CAMK1D: variants seen among roughly 807,000 people sequenced by gnomAD.
The protein encoded by CAMK1D is calcium/calmodulin-dependent protein kinase type 1D.
Under a neutral mutation model 47.7 loss-of-function variants are expected in CAMK1D, and 9 were observed. The observed-to-expected ratio is 0.19, with a 90% CI of 0.11 to 0.33. CAMK1D has a LOEUF of 0.33. CAMK1D is among the 10% of genes least tolerant of loss of function. CAMK1D has a pLI of 1.00. For missense variants in CAMK1D, 291 were observed against 488.7 expected, an observed-to-expected ratio of 0.60 and a Z score of 3.81; for synonymous variants, 184 against 184.9, an observed-to-expected ratio of 0.99 and a Z score of 0.04.
chr10:12,609,586 C>A (rs113953218), intron 2 of CAMK1D, among the ~76,000 whole-genome samples: 4 of 152,110 alleles, frequency 2.6e-5, no homozygotes, highest in African/African-American at 7.2e-5. Flanking sequence ...CCCTCGCATG[C>A]GCAGTTCACA....
chr10:12,595,051 T>C (rs1838102455), intron 2 of CAMK1D, among the ~76,000 whole-genome samples: 1 of 152,046 alleles, frequency 6.6e-6, no homozygotes, highest in African/African-American at 2.4e-5. Context: ...TTCAAGGTGA[T>C]CTGGGGGAGA....
intron 10 of CAMK1D, among the ~76,000 whole-genome samples, chr10:12,828,204 G>A (rs1833324921): frequency 6.6e-6 from 1 of 152,152 alleles, no homozygotes; most frequent in African/African-American, 2.4e-5. Flanking sequence ...GTACCACAGT[G>A]GTGAAACCAT....
At chr10:12,786,630 C>T (rs980928775) in intron 5 of CAMK1D, among the ~76,000 whole-genome samples, 2 of 152,220 alleles carry the variant, frequency 1.3e-5, no homozygotes, top group Non-Finnish European at 2.9e-5. Context: ...GCAGTCATAG[C>T]TCACTGCAGC....
intron 6 of CAMK1D, among the ~76,000 whole-genome samples, chr10:12,797,243 G>A (rs1046132024): frequency 6.9e-6 from 1 of 145,928 alleles, no homozygotes; most frequent in Non-Finnish European, 1.5e-5. Flanking sequence ...TTGTCACCCA[G>A]GCTGGAGTGC....
intron 1 of CAMK1D, among the ~76,000 whole-genome samples, chr10:12,453,171 A>G (rs1833138198): frequency 6.8e-6 from 1 of 148,068 alleles, no homozygotes; most frequent in South Asian, 2.1e-4. Context: ...CATGGGTCAG[A>G]CTTTTCTTCT....
rs1834093931 is a variant in CAMK1D, at chr10:12,482,497, A to G, written c.93-70728A>G. 2.6e-5 allele frequency among the ~76,000 whole-genome samples: 4 copies of G among 152,134 alleles called. No homozygotes were observed. In the South Asian group the frequency reaches 8.3e-4, roughly 31 times the overall value. ...CCAGGAAAGAAAGTTGGAATAATAG[A>G]ATTTTTTTTTCTCTCGAAGCAGTGA... On this transcript the variant is annotated intron_variant, in intron 1 of 10. Transcript: ENST00000619168.
chr10:12,791,223 G>T lies in CAMK1D; in HGVS notation c.631G>T (p.Ala211Ser). 6.2e-7 allele frequency: 1 copy of T among 1,614,126 alleles called. No homozygotes were observed. Among genetic ancestry groups the T allele is most frequent in the Non-Finnish European group, 8.5e-7 (1 of 1,179,966 alleles). ...AVDCWSIGVI[A>S]YILLCGYPPF... is the part of the protein sequence containing the mutation. ...TGACTGCTGGTCCATCGGAGTGATTGCCTACATCTTGTAAGTACTGCCTGC... is the reference window on the plus strand; with the variant it reads ...TGACTGCTGGTCCATCGGAGTGATTTCCTACATCTTGTAAGTACTGCCTGC... Residue 211 changes from alanine (A) to serine (S), a missense_variant, in exon 6 of 11, where the codon GCC becomes TCC. Coordinates refer to ENST00000619168, the MANE Select transcript of CAMK1D (RefSeq NM_153498.4).
At chr10:12,406,437 G>A (rs749615716) in intron 1 of CAMK1D, among the ~76,000 whole-genome samples, 1 of 152,066 alleles carries the variant, frequency 6.6e-6, no homozygotes, top group African/African-American at 2.4e-5. Flanking sequence ...TTGGCCAGAT[G>A]TGGTGGCTCA....
At chr10:12,429,068 G>T (rs938368404) in intron 1 of CAMK1D, among the ~76,000 whole-genome samples, 1 of 152,172 alleles carries the variant, frequency 6.6e-6, no homozygotes, top group African/African-American at 2.4e-5. Flanking sequence ...GGCCAGGAAT[G>T]GGGGTATGGT....
chr10:12,409,545 A>C (rs893857741), intron 1 of CAMK1D, among the ~76,000 whole-genome samples: 3 of 152,228 alleles, frequency 2.0e-5, no homozygotes, highest in Non-Finnish European at 4.4e-5. Context: ...TGGCGTCTGG[A>C]GTAGCTAGGA....
At chr10:12,541,573 C>A (rs932141744) in intron 1 of CAMK1D, among the ~76,000 whole-genome samples, 13 of 152,120 alleles carry the variant, frequency 8.5e-5, no homozygotes, top group South Asian at 2.1e-4. Flanking sequence ...GTTGGTCAGG[C>A]TGGTCTCGAA....
At chr10:12,736,633 G>C (rs1022621166) in intron 3 of CAMK1D, among the ~76,000 whole-genome samples, 1 of 152,198 alleles carries the variant, frequency 6.6e-6, no homozygotes, top group African/African-American at 2.4e-5. Context: ...TGCTTAGGTA[G>C]AAGTGCCTGC....
rs1837287632 is a variant in CAMK1D, at chr10:12,349,639, C to T, written c.-180C>T. The T allele has an allele frequency of 6.3e-6, 1 of 157,926 alleles. No homozygotes were observed. The highest frequency in any genetic ancestry group is 1.4e-5 in the Non-Finnish European group (1 of 72,062). The allele number at this position is 157,926 out of a possible 1,614,324, so 9.8% of individuals were successfully genotyped here. A position where few individuals can be genotyped will look rare whatever the true frequency, so the allele number is the denominator to read the frequency against. ...TGCCCGAGAACAGCAGAAATAAGAG[C>T]CAGGGAGGGACCGCGGCCGCGGCGG... On this transcript the variant is annotated 5_prime_UTR_variant, in exon 1 of 11. Transcript: ENST00000619168.
intron 1 of CAMK1D, among the ~76,000 whole-genome samples, chr10:12,465,435 A>G (rs1414115011): frequency 6.6e-6 from 1 of 151,064 alleles, no homozygotes; most frequent in Non-Finnish European, 1.5e-5. Flanking sequence ...GCTCACTGCA[A>G]GCTCTGCCTG....
intron 2 of CAMK1D, among the ~76,000 whole-genome samples, chr10:12,572,466 T>C (rs998136005): frequency 2.6e-5 from 4 of 151,998 alleles, no homozygotes; most frequent in African/African-American, 9.7e-5. Flanking sequence ...TAGCAAAGGA[T>C]TGAGGCGGAA....
At chr10:12,443,276 C>G (rs1832834202) in intron 1 of CAMK1D, among the ~76,000 whole-genome samples, 4 of 152,190 alleles carry the variant, frequency 2.6e-5, no homozygotes, top group Admixed American at 2.0e-4. Context: ...GGTGCTCACT[C>G]TACACCAGGT....
chr10:12,642,991 T>A (rs781755954), intron 2 of CAMK1D, among the ~76,000 whole-genome samples: 3 of 152,062 alleles, frequency 2.0e-5, no homozygotes, highest in South Asian at 4.1e-4. Flanking sequence ...TAAATTACAT[T>A]TTGGTTTGTT....
At chr10:12,436,939 A>G (rs549837607) in intron 1 of CAMK1D, among the ~76,000 whole-genome samples, 2 of 152,230 alleles carry the variant, frequency 1.3e-5, no homozygotes, top group African/African-American at 4.8e-5. Flanking sequence ...TTCGAGCAAA[A>G]TCAGCACAGG....
intron 8 of CAMK1D, among the ~76,000 whole-genome samples, chr10:12,822,588 G>A (rs1404813622): frequency 6.6e-6 from 1 of 152,226 alleles, no homozygotes; most frequent in African/African-American, 2.4e-5. Flanking sequence ...GTTTGCTTTG[G>A]AGCCTGGCTC....
Sources: allele counts gnomAD v4.1 joint callset (sites outside exome capture counted in the v4.1 genomes callset), GRCh38; gene constraint gnomAD v4.1.1; transcripts MANE v1.5; gene names NCBI Gene and HGNC (gene_info 2026-07-23, HGNC 2026-07-21).